The following DGKD variants were observed in gnomAD, a reference collection of about 807,000 sequenced individuals.
DGKD encodes the protein diacylglycerol kinase delta, also known as DAG kinase delta.
In DGKD, 68 loss-of-function variants were observed where a neutral mutation model predicts 154.4. That is an observed-to-expected ratio of 0.44 (90% CI 0.36 to 0.54). The LOEUF (loss-of-function observed/expected upper bound fraction) is 0.54, where lower values mean the gene tolerates loss of function less well. Among genes scored for constraint, DGKD ranks in the 20% least tolerant of loss-of-function variants. The pLI is 0.00. For missense variants in DGKD, 1,343 were observed against 1,593.6 expected, an observed-to-expected ratio of 0.84 and a Z score of 2.68; for synonymous variants, 693 against 638.0, an observed-to-expected ratio of 1.09 and a Z score of -1.30.
intron 3 of DGKD, among the ~76,000 whole-genome samples, chr2:233,406,242 A>T (rs189554772): frequency 7.2e-4 from 110 of 152,304 alleles, no homozygotes; most frequent in African/African-American, 2.6e-3. Context: ...GGATGATCTC[A>T]TCTCAAGATC....
intron 3 of DGKD, among the ~76,000 whole-genome samples, chr2:233,393,702 TAGA>T (rs1703800686): frequency 7.0e-6 from 1 of 143,172 alleles, no homozygotes. Flanking sequence ...TTTTTTTTTT[TAGA>T]TGGAGTCTTG....
intron 26 of DGKD, among the ~76,000 whole-genome samples, chr2:233,463,286 A>G (rs2063710631): frequency 6.6e-6 from 1 of 151,340 alleles, no homozygotes. Context: ...GCGTCTCCTC[A>G]CTGCACGCAT....
rs2062755555 is a variant in DGKD at position 233,438,029 on chromosome 2, A to G, written c.923-188A>G. Among the ~76,000 whole-genome samples, 1 of 152,162 alleles carries G rather than the reference A, an allele frequency of 6.6e-6. No homozygotes were observed. The highest frequency in any genetic ancestry group is 2.1e-4 in the South Asian group (1 of 4,818). ...GCTTGTGAATGTGGAGGTCAGATGG[A>G]TGGGGCTCCCGGCCTCACACATGGA... On this transcript the variant is annotated intron_variant, in intron 8 of 29. Coordinates refer to ENST00000264057, the MANE Select transcript of DGKD (RefSeq NM_152879.3). The surrounding 1 kb of genome is among the most constrained non-coding windows in gnomAD (Gnocchi z 4.1).
In DGKD at chr2:233,435,391, C is replaced by T. The variant is rs184589075; in HGVS notation, c.587-427C>T. Among the ~76,000 whole-genome samples the T allele has an allele frequency of 4.8e-4, 73 of 152,306 alleles. No individual in the cohort carries two copies. In the East Asian group the frequency reaches 5.6e-3, roughly 12 times the overall value. ...TCTGCCTGTTTTTGTACAGCTCCCACGCTTCAGACTGGCTTTTAAATTTTT... is the reference window on the plus strand; with the variant it reads ...TCTGCCTGTTTTTGTACAGCTCCCATGCTTCAGACTGGCTTTTAAATTTTT... On this transcript the variant is annotated intron_variant, in intron 5 of 29. Coordinates refer to ENST00000264057, the MANE Select transcript of DGKD (RefSeq NM_152879.3).
intron 16 of DGKD, 76 bp from the exon 17 acceptor site, chr2:233,450,846 G>C: frequency 6.5e-7 from 1 of 1,536,092 alleles, no homozygotes. Context: ...CCACCTGCTC[G>C]TGTCGCTAAG....
At chr2:233,461,548 C>T (rs1324489855) in intron 24 of DGKD, among the ~76,000 whole-genome samples, 1 of 152,264 alleles carries the variant, frequency 6.6e-6, no homozygotes, top group Non-Finnish European at 1.5e-5. Flanking sequence ...GTCTCTCCCC[C>T]ACCCCACCCA....
intron 12 of DGKD, chr2:233,447,757 C>T (rs950999544): frequency 9.0e-6 from 10 of 1,112,438 alleles, no homozygotes; most frequent in Admixed American, 4.8e-5. Context: ...AACCTGGAGC[C>T]GACCCGCCAG....
Position 233,454,824 on chromosome 2 carries a change from A to T in DGKD, c.2326A>T (p.Ile776Leu). 1 of 1,614,158 alleles carries T rather than the reference A, an allele frequency of 6.2e-7. No homozygotes were observed. The highest frequency in any genetic ancestry group is 1.3e-5 in the African/African-American group (1 of 75,050). The change falls in exon 19 of 30, where the codon ATA becomes TTA. Residue 776 changes from isoleucine to leucine, a missense_variant. By Grantham distance (5) the Ile-to-Leu change is conservative. Transcript: ENST00000264057. ...NYFGIGLDAKISLDFNNKRDE... is the reference protein window; with the variant it reads ...NYFGIGLDAKLSLDFNNKRDE... Reference sequence around the variant, plus strand: ...TTTTGGCATTGGCCTGGATGCGAAGATATCCCTGGACTTTAACAACAAGCG... The same window carrying T: ...TTTTGGCATTGGCCTGGATGCGAAGTTATCCCTGGACTTTAACAACAAGCG...
chr2:233,414,897 G>A (rs2061922902), intron 3 of DGKD, among the ~76,000 whole-genome samples: 1 of 152,146 alleles, frequency 6.6e-6, no homozygotes, highest in Non-Finnish European at 1.5e-5. Flanking sequence ...GGGCTGATTT[G>A]GCATCCTGAC....
Position 233,469,506 on chromosome 2 carries a change from C to A in DGKD, c.*46C>A. The A allele has an allele frequency of 6.6e-7, 1 of 1,519,602 alleles. No homozygotes were observed. Among genetic ancestry groups the A allele is most frequent in the Non-Finnish European group, 8.9e-7 (1 of 1,118,962 alleles). The allele number at this position is 1,519,602 out of a possible 1,614,324, so 94.1% of individuals were successfully genotyped here. On this transcript the variant is annotated 3_prime_UTR_variant, in exon 30 of 30. Transcript: ENST00000264057. ...GGCCTCCACATCCCCGCCGCCGAGG[C>A]CTAGCCTCCGCCCTCTCAGCCTGTG... is the stretch of plus-strand genomic sequence containing the variant.
At chr2:233,355,002 G>A (rs1701475232) in intron 1 of DGKD, among the ~76,000 whole-genome samples, 1 of 151,630 alleles carries the variant, frequency 6.6e-6, no homozygotes, top group South Asian at 2.1e-4. Context: ...AGATGCAGGG[G>A]ACTGCGCTCG....
At position 233,435,814 on chromosome 2, in the gene DGKD, A is replaced by T; in HGVS notation, c.587-4A>T. The T allele has an allele frequency of 6.2e-7, 1 of 1,610,188 alleles. No homozygotes were observed. ...TGTAGGCTCATGTGCCCCTTCTCTC[A>T]CAGTGTGCAAATTTAAGGCCCACAA... is the stretch of plus-strand genomic sequence containing the variant. On this transcript the variant is annotated splice_region_variant and splice_polypyrimidine_tract_variant and intron_variant, in intron 5 of 29. Transcript: ENST00000264057.
chr2:233,432,606 C>T (rs1047244795), intron 3 of DGKD, among the ~76,000 whole-genome samples: 11 of 152,148 alleles, frequency 7.2e-5, no homozygotes, highest in Non-Finnish European at 1.3e-4. Flanking sequence ...TTGCAGTGAG[C>T]GGAGATTGCG....
At chr2:233,391,971 C>G (rs532539950) in intron 3 of DGKD, 1 of 152,172 alleles carries the variant, frequency 6.6e-6, no homozygotes, top group African/African-American at 2.4e-5. Flanking sequence ...TTTTTAGAGT[C>G]TTTAATAGGA....
chr2:233,396,812 C>T (rs1704072702), intron 3 of DGKD, among the ~76,000 whole-genome samples: 1 of 152,072 alleles, frequency 6.6e-6, no homozygotes, highest in Non-Finnish European at 1.5e-5. Flanking sequence ...GTGGAGGGAC[C>T]AGCAGTGCGA....
chr2:233,393,488 C>T (rs775236097), intron 3 of DGKD, among the ~76,000 whole-genome samples: 4 of 151,788 alleles, frequency 2.6e-5, no homozygotes, highest in Non-Finnish European at 4.4e-5. Flanking sequence ...AGGTGTGTCC[C>T]ACCACGCCTG....
intron 1 of DGKD, among the ~76,000 whole-genome samples, chr2:233,386,854 G>T (rs930002302): frequency 6.6e-6 from 1 of 152,238 alleles, no homozygotes; most frequent in African/African-American, 2.4e-5. Flanking sequence ...AGAAGCTCTT[G>T]GAAGTGGTCG....
chr2:233,370,567 C>CTTTTTTTTTTTTTTT, intron 1 of DGKD, among the ~76,000 whole-genome samples: 1 of 114,332 alleles, frequency 8.7e-6, no homozygotes. Flanking sequence ...TTCAGAACTT[C>CTTTTTTTTTTTTTTT]TTCTTTTTTT....
At chr2:233,381,798 A>T (rs555314707) in intron 1 of DGKD, among the ~76,000 whole-genome samples, 49 of 152,360 alleles carry the variant, frequency 3.2e-4, no homozygotes, top group African/African-American at 1.2e-3. Context: ...TTAGTTGTTC[A>T]ACCGGGCAAG....
Sources: gnomAD v4.1 joint callset for allele counts (sites outside exome capture counted in the v4.1 genomes callset) on GRCh38, gnomAD v4.1.1 for gene constraint, Gnocchi (gnomAD v3.1) non-coding constraint, MANE v1.5 for transcripts, NCBI Gene and HGNC (gene_info 2026-07-23, HGNC 2026-07-21) for gene names.